PLEKHD1: variants seen among roughly 807,000 people sequenced by gnomAD.
PLEKHD1 encodes the protein pleckstrin homology domain-containing family D member 1.
Under a neutral mutation model 69.2 loss-of-function variants are expected in PLEKHD1, and 51 were observed. That is an observed-to-expected ratio of 0.74 (90% CI 0.59 to 0.93). PLEKHD1 has a LOEUF of 0.93. PLEKHD1 is among the 40% of genes least tolerant of loss of function. The pLI is 0.00. For synonymous variants in PLEKHD1, 236 were observed against 244.7 expected, an observed-to-expected ratio of 0.96 and a Z score of 0.33; for missense variants, 584 against 641.0, an observed-to-expected ratio of 0.91 and a Z score of 0.96.
intron 7 of PLEKHD1, among the ~76,000 whole-genome samples, chr14:69,522,887 C>CATGTATATATCTATATACATGTATAT (rs1883551297): frequency 1.3e-5 from 2 of 151,780 alleles, no homozygotes; most frequent in Non-Finnish European, 2.9e-5. Context: ...TATATATATA[C>CATGTATATATCTATATACATGTATAT]ATGTATATAT....
intron 6 of PLEKHD1, 83 bp downstream of exon 6, chr14:69,502,962 G>A: frequency 1.3e-6 from 2 of 1,488,634 alleles, no homozygotes; most frequent in Non-Finnish European, 1.8e-6. Context: ...AGGGGAGCTG[G>A]GTGCACAGAG....
chr14:69,490,156 CCT>C (rs1393600892), intron 1 of PLEKHD1, among the ~76,000 whole-genome samples: 1 of 152,200 alleles, frequency 6.6e-6, no homozygotes, highest in Non-Finnish European at 1.5e-5. Flanking sequence ...GCATGAGCCC[CCT>C]GTTATATGTT....
At chr14:69,524,378 C>T (rs371481439) in intron 8 of PLEKHD1, 56 bp downstream of exon 8, 6 of 1,416,414 alleles carry the variant, frequency 4.2e-6, no homozygotes, top group Non-Finnish European at 5.9e-6. Context: ...GGTTGGACCA[C>T]ATGACACTGT....
At chr14:69,474,238 G>A in the PLEKHD1 span, among the ~76,000 whole-genome samples, 5 of 152,184 alleles carry the variant, frequency 3.3e-5, no homozygotes, top group African/African-American at 1.2e-4. Context: ...GTCTCAGAAA[G>A]TTTGGTTCCC....
chr14:69,500,169 G>A lies in PLEKHD1; in HGVS notation c.204G>A (p.Lys68=). The A allele has an allele frequency of 6.4e-7, 1 of 1,550,826 alleles. No homozygotes were observed. Among genetic ancestry groups the A allele is most frequent in the Non-Finnish European group, 8.7e-7 (1 of 1,146,184 alleles). ...TTTACTACTCTGAGAGCGAAAAAAA[G>A]AGCTTTGAAACCAATAAATACTTCA... The part of the protein sequence containing the change: ...FLLYYSESEK[K]SFETNKYFNI... Residue 68 remains lysine, a synonymous_variant, in exon 2 of 13, where the codon AAG becomes AAA. Coordinates refer to ENST00000322564, the MANE Select transcript of PLEKHD1 (RefSeq NM_001161498.2).
chr14:69,505,620 C>G (rs546760630), intron 6 of PLEKHD1, among the ~76,000 whole-genome samples: 2 of 152,328 alleles, frequency 1.3e-5, no homozygotes, highest in East Asian at 3.9e-4. Flanking sequence ...AATTTCCCCC[C>G]ATCTGGGATG....
At chr14:69,526,219 GA>G in intron 9 of PLEKHD1, 97 bp downstream of exon 9, 2 of 1,229,444 alleles carry the variant, frequency 1.6e-6, no homozygotes, top group Non-Finnish European at 2.2e-6. Flanking sequence ...ACTTGGCACT[GA>G]CCAAGTAGGA....
chr14:69,520,748 T>C (rs994773330), intron 6 of PLEKHD1, among the ~76,000 whole-genome samples: 1 of 152,074 alleles, frequency 6.6e-6, no homozygotes, highest in Non-Finnish European at 1.5e-5. Context: ...AGAATACAAT[T>C]TTAATTATAT....
chr14:69,506,056 C>T (rs1485398665), intron 6 of PLEKHD1, among the ~76,000 whole-genome samples: 3 of 152,208 alleles, frequency 2.0e-5, no homozygotes, highest in African/African-American at 4.8e-5. Context: ...GGAGTGCTCA[C>T]AGTCAGAGTA....
At chr14:69,473,948 G>T in the PLEKHD1 span, among the ~76,000 whole-genome samples, 1 of 152,140 alleles carries the variant, frequency 6.6e-6, no homozygotes, top group African/African-American at 2.4e-5. Flanking sequence ...TTGGGTGTTT[G>T]CTGGGCTAGG....
intron 5 of PLEKHD1, chr14:69,502,530 T>G: frequency 2.4e-6 from 1 of 414,910 alleles, no homozygotes. Context: ...AGGTGGAAGG[T>G]GGGTGTGGGA....
upstream of PLEKHD1, among the ~76,000 whole-genome samples, chr14:69,482,899 AAAAAAAAGAAAGAAAG>A (rs1226911107): frequency 3.4e-5 from 5 of 148,242 alleles, no homozygotes; most frequent in African/African-American, 9.8e-5. Context: ...TCTCTAAAAA[AAAAAAAAGAAAGAAAG>A]AAAAAAAGAA....
the PLEKHD1 span, among the ~76,000 whole-genome samples, chr14:69,479,587 G>A: frequency 0.18 from 26,821 of 151,996 alleles, 2,595 homozygotes; most frequent in Middle Eastern, 0.27. Flanking sequence ...CAGGAGGATC[G>A]CTTGAGCCTA....
At chr14:69,479,618 G>A in the PLEKHD1 span, among the ~76,000 whole-genome samples, 25,874 of 151,784 alleles carry the variant, frequency 0.17, 2,373 homozygotes, top group South Asian at 0.24. Flanking sequence ...GCCAGCCTGG[G>A]CAACATAGGA....
chr14:69,474,142 G>A, the PLEKHD1 span, among the ~76,000 whole-genome samples: 1 of 152,184 alleles, frequency 6.6e-6, no homozygotes, highest in Non-Finnish European at 1.5e-5. Context: ...GAAATTCCAG[G>A]CACCTAGCTA....
intron 1 of PLEKHD1, among the ~76,000 whole-genome samples, chr14:69,489,031 G>A (rs1396692746): frequency 1.3e-5 from 2 of 151,756 alleles, no homozygotes; most frequent in African/African-American, 4.8e-5. Context: ...GGGGTCGTAT[G>A]ATTATTTACC....
chr14:69,503,105 G>A (rs888154590), intron 6 of PLEKHD1: 3 of 550,808 alleles, frequency 5.4e-6, no homozygotes, highest in African/African-American at 1.9e-5. Context: ...AGTGAAAAGG[G>A]TGGGTGATGA....
the PLEKHD1 span, among the ~76,000 whole-genome samples, chr14:69,471,825 ACATCTCACTTTTGCT>A: frequency 6.6e-6 from 1 of 152,310 alleles, no homozygotes; most frequent in African/African-American, 2.4e-5. Flanking sequence ...AAGCTCCTTG[ACATCTCACTTTTGCT>A]GACTTTGTCT....
intron 1 of PLEKHD1, among the ~76,000 whole-genome samples, chr14:69,493,866 G>T (rs566227012): frequency 6.6e-6 from 1 of 152,350 alleles, no homozygotes; most frequent in South Asian, 2.1e-4. Flanking sequence ...ACAGAAAAGG[G>T]CCAGAGCTGA....
Sources: allele counts gnomAD v4.1 joint callset (sites outside exome capture counted in the v4.1 genomes callset), GRCh38; gene constraint gnomAD v4.1.1; transcripts MANE v1.5; gene names NCBI Gene and HGNC (gene_info 2026-07-23, HGNC 2026-07-21).